The following KCTD9 variants were observed in gnomAD, a reference collection of about 807,000 sequenced individuals.
KCTD9 encodes the protein potassium channel tetramerization domain containing 9.
Under a neutral mutation model 53.3 loss-of-function variants are expected in KCTD9, and 17 were observed. That is an observed-to-expected ratio of 0.32 (90% confidence interval 0.22 to 0.48). The LOEUF is 0.48. Ranked by LOEUF, KCTD9 falls within the 20% of genes least tolerant of loss-of-function variation. The pLI is 0.99. For synonymous variants in KCTD9, 128 were observed against 162.7 expected (o/e 0.79, Z 1.62); for missense variants, 179 against 465.5 (o/e 0.38, Z 5.66).
At chr8:25,453,384 G>A (rs1397644232) in intron 1 of KCTD9, among the ~76,000 whole-genome samples, 1 of 151,332 alleles carries the variant, frequency 6.6e-6, no homozygotes, top group Non-Finnish European at 1.5e-5. Context: ...GGCCGGGCAC[G>A]GTGGCTCAAG....
chr8:25,443,743 T>C (rs1446835051), intron 3 of KCTD9, among the ~76,000 whole-genome samples: 1 of 152,216 alleles, frequency 6.6e-6, no homozygotes, highest in Non-Finnish European at 1.5e-5. Context: ...GTGGACTGTA[T>C]GGATCTAAAT....
intron 5 of KCTD9, 26 bp from the exon 6 acceptor site, chr8:25,439,433 G>T: frequency 6.3e-7 from 1 of 1,582,616 alleles, no homozygotes; most frequent in Non-Finnish European, 8.6e-7. Context: ...AATAAAGAAA[G>T]TCCCCCATAA....
rs1414189035 is a variant in KCTD9, at chr8:25,429,001, C to T, written c.*856G>A. 2 of 152,122 alleles carry T rather than the reference C, an allele frequency of 1.3e-5. No homozygotes were observed. Among genetic ancestry groups the T allele is most frequent in the African/African-American group, 4.8e-5 (2 of 41,442 alleles). 9.4% of individuals were successfully genotyped at this position (152,122 alleles called of 1,614,324 possible). ...GGTTTTTTTGGTTTTGAAGTATCTT[C>T]CTATGCTTGTGATGACTGTATGAGA... On this transcript the variant is annotated 3_prime_UTR_variant, in exon 12 of 12. Coordinates refer to ENST00000221200, the MANE Select transcript of KCTD9 (RefSeq NM_017634.4).
intron 1 of KCTD9, among the ~76,000 whole-genome samples, chr8:25,449,657 A>G (rs1023689603): frequency 2.6e-5 from 4 of 152,164 alleles, no homozygotes; most frequent in African/African-American, 9.7e-5. Flanking sequence ...TCATGAGTCT[A>G]TTTAAATTTT....
chr8:25,436,965 T>C (rs1357014470), intron 6 of KCTD9, among the ~76,000 whole-genome samples: 1 of 152,206 alleles, frequency 6.6e-6, no homozygotes, highest in Non-Finnish European at 1.5e-5. Flanking sequence ...AACTCTGGAA[T>C]TACAAAGAAA....
Position 25,432,535 on chromosome 8 carries a change from C to T in KCTD9, c.1022G>A (p.Arg341Lys). 6.2e-7 allele frequency: 1 copy of T among 1,612,724 alleles called. No individual in the cohort carries two copies. The highest frequency in any genetic ancestry group is 8.5e-7 in the Non-Finnish European group (1 of 1,179,780). ...KNAKLKNCNL[R>K]GATLAGTDLE... is the part of the protein sequence containing the mutation. ...ATCAGTTCCTGCCAGAGTTGCTCCT[C>T]TGAGGTTACAGTTCTTCAACTTTGC... Residue 341 changes from arginine (R) to lysine (K), a missense_variant, in exon 11 of 12, where the codon AGA becomes AAA. Coordinates refer to ENST00000221200, the MANE Select transcript of KCTD9 (RefSeq NM_017634.4).
intron 10 of KCTD9, among the ~76,000 whole-genome samples, chr8:25,432,978 T>A (rs936692880): frequency 1.3e-5 from 2 of 152,206 alleles, no homozygotes; most frequent in African/African-American, 4.8e-5. Context: ...ACATTAAATC[T>A]AAAAATGATT....
At chr8:25,446,086 GT>G in intron 2 of KCTD9, 42 bp downstream of exon 2, 1 of 1,602,682 alleles carries the variant, frequency 6.2e-7, no homozygotes, top group South Asian at 1.1e-5. Flanking sequence ...GCACCAAGAA[GT>G]TGAGGCACAC....
intron 2 of KCTD9, 126 bp from the exon 3 acceptor site, chr8:25,444,461 A>G: frequency 3.8e-6 from 3 of 789,160 alleles, no homozygotes; most frequent in Non-Finnish European, 5.9e-6. Context: ...CTAGACTGCA[A>G]AGAAGCTAAG....
intron 1 of KCTD9, among the ~76,000 whole-genome samples, chr8:25,448,879 C>A (rs929676527): frequency 1.3e-5 from 2 of 151,788 alleles, no homozygotes; most frequent in African/African-American, 4.8e-5. Context: ...CACACCACCA[C>A]ACTCCAGCCT....
rs2012592 is a variant in KCTD9 at position 25,436,342 on chromosome 8, C to T, written c.568-12G>A. 595,864 of 1,603,638 alleles carry T rather than the reference C, an allele frequency of 0.37. 112,868 individuals carry two copies. The highest frequency in any genetic ancestry group is 0.56 in the African/African-American group (41,873 of 74,724). On this transcript the variant is annotated splice_polypyrimidine_tract_variant and intron_variant, in intron 7 of 11. Coordinates refer to ENST00000221200, the MANE Select transcript of KCTD9 (RefSeq NM_017634.4). ...GGTGGTTGAGAATTCTTAAAAAAGA[C>T]ATTAAGAAATTAGTGGAGTCTTTTG...
intron 8 of KCTD9, 146 bp from the exon 9 acceptor site, chr8:25,435,658 AC>A (rs1802003094): frequency 4.8e-6 from 3 of 623,228 alleles, no homozygotes. Context: ...ATAAAATGGA[AC>A]TTAGATACAT....
At chr8:25,447,670 AGCCAGAAGAGT>A (rs1472567488) in intron 1 of KCTD9, among the ~76,000 whole-genome samples, 13 of 152,356 alleles carry the variant, frequency 8.5e-5, no homozygotes, top group Admixed American at 8.5e-4. Context: ...GAAGGATGAA[AGCCAGAAGAGT>A]GCTGGGGCAT....
chr8:25,438,065 G>A (rs1343798964), intron 6 of KCTD9, among the ~76,000 whole-genome samples: 1 of 151,956 alleles, frequency 6.6e-6, no homozygotes, highest in African/African-American at 2.4e-5. Flanking sequence ...TCTGCTTTTT[G>A]AACACTTGAA....
At position 25,432,411 on chromosome 8, in the gene KCTD9, A is replaced by T. The variant is rs1458310385; in HGVS notation, c.1053+93T>A. 3.6e-6 allele frequency: 4 copies of T among 1,103,812 alleles called. No individual in the cohort carries two copies. In the East Asian group the frequency reaches 9.8e-5, roughly 27 times the overall value. 68.4% of individuals were successfully genotyped at this position (1,103,812 alleles called of 1,614,324 possible). On this transcript the variant is annotated intron_variant, in intron 11 of 11. Transcript: ENST00000221200. ...ATGAGTCTTCCAATCCAGTTTTACCAGCCAACTACTTTGTTTTGATTTCAA... is the reference window on the plus strand; with the variant it reads ...ATGAGTCTTCCAATCCAGTTTTACCTGCCAACTACTTTGTTTTGATTTCAA...
Position 25,458,418 on chromosome 8 carries a change from G to C in KCTD9, c.-172C>G, listed in dbSNP as rs1286813343. ...CGCACGCACTCTGTCCCACACCCAA[G>C]GTTCGGCCGGTCCTCCTTCCCACCC... On this transcript the variant is annotated 5_prime_UTR_variant, in exon 1 of 12. Transcript: ENST00000221200. 3 of 721,760 alleles carry C rather than the reference G, an allele frequency of 4.2e-6. No homozygotes were observed. The highest frequency in any genetic ancestry group is 4.7e-5 in the Admixed American group (2 of 42,294). 44.7% of individuals were successfully genotyped at this position (721,760 alleles called of 1,614,324 possible).
chr8:25,441,829 A>T (rs2117412026), intron 3 of KCTD9, among the ~76,000 whole-genome samples: 1 of 152,088 alleles, frequency 6.6e-6, no homozygotes, highest in South Asian at 2.1e-4. Context: ...CCAAAACCCC[A>T]TCTCTACAAA....
chr8:25,455,481 T>C (rs910009007), intron 1 of KCTD9, among the ~76,000 whole-genome samples: 2 of 152,200 alleles, frequency 1.3e-5, no homozygotes, highest in Non-Finnish European at 2.9e-5. Context: ...AACTCAGCAC[T>C]GTTTCAACTT....
chr8:25,458,171 C>T, intron 1 of KCTD9, 28 bp downstream of exon 1: 1 of 1,525,208 alleles, frequency 6.6e-7, no homozygotes, highest in Non-Finnish European at 9.0e-7. Flanking sequence ...GACCCCCGGC[C>T]CGCCGCGCCC....
Sources: allele counts gnomAD v4.1 joint callset (sites outside exome capture counted in the v4.1 genomes callset), GRCh38; gene constraint gnomAD v4.1.1; transcripts MANE v1.5; gene names NCBI Gene and HGNC (gene_info 2026-07-23, HGNC 2026-07-21).